OSBPL8: variants seen among roughly 807,000 people sequenced by gnomAD.
OSBPL8 encodes oxysterol-binding protein-related protein 8.
In OSBPL8, 59 loss-of-function variants were observed where a neutral mutation model predicts 125.5. The observed-to-expected ratio is 0.47, with a 90% confidence interval of 0.38 to 0.58. The LOEUF (loss-of-function observed/expected upper bound fraction) is 0.58, where lower values mean the gene tolerates loss of function less well. Among genes scored for constraint, OSBPL8 ranks in the 20% least tolerant of loss-of-function variants. The probability of loss-of-function intolerance (pLI) is 0.00; values close to 1 mark genes in which losing one functional copy is unlikely to be tolerated. For synonymous variants in OSBPL8, 330 were observed against 338.9 expected (o/e 0.97, Z 0.29); for missense variants, 758 against 1,047.8 (o/e 0.72, Z 3.82).
chr12:76,376,731 G>A (rs993200263), intron 16 of OSBPL8, among the ~76,000 whole-genome samples: 2 of 152,056 alleles, frequency 1.3e-5, no homozygotes, highest in East Asian at 1.9e-4. Context: ...AAGGCCATAA[G>A]TTAGGCTCTT....
At chr12:76,494,697 G>T (rs1565943594) in intron 1 of OSBPL8, among the ~76,000 whole-genome samples, 1 of 152,188 alleles carries the variant, frequency 6.6e-6, no homozygotes, top group African/African-American at 2.4e-5. Context: ...AGATGGGAAA[G>T]ACAGCAGGAG....
intron 1 of OSBPL8, among the ~76,000 whole-genome samples, 198 bp from the exon 2 acceptor site, chr12:76,487,816 G>C (rs1878317575): frequency 6.6e-6 from 1 of 152,088 alleles, no homozygotes; most frequent in Non-Finnish European, 1.5e-5. Context: ...AATATTCCAA[G>C]TGAAGAAAAA....
chr12:76,491,203 G>C (rs1452047905), intron 1 of OSBPL8, among the ~76,000 whole-genome samples: 1 of 152,188 alleles, frequency 6.6e-6, no homozygotes, highest in Non-Finnish European at 1.5e-5. Flanking sequence ...AAAAGATTTA[G>C]AATACTACAT....
intron 5 of OSBPL8, among the ~76,000 whole-genome samples, chr12:76,407,971 T>C (rs1327169192): frequency 1.3e-5 from 2 of 152,034 alleles, no homozygotes; most frequent in African/African-American, 2.4e-5. Flanking sequence ...CTTCTAGTAT[T>C]GTTATGAACG....
chr12:76,525,106 G>A (rs536917240), intron 1 of OSBPL8, among the ~76,000 whole-genome samples: 1 of 152,230 alleles, frequency 6.6e-6, no homozygotes, highest in East Asian at 1.9e-4. Context: ...GAAACCTATG[G>A]CTTAAAAGAT....
chr12:76,372,356 T>C (rs1188042454), intron 18 of OSBPL8, among the ~76,000 whole-genome samples: 1 of 152,030 alleles, frequency 6.6e-6, no homozygotes, highest in African/African-American at 2.4e-5. Context: ...GCATGTGCCA[T>C]CATGCCCATC....
chr12:76,421,392 A>G (rs1869464365), intron 4 of OSBPL8, among the ~76,000 whole-genome samples: 1 of 152,100 alleles, frequency 6.6e-6, no homozygotes, highest in African/African-American at 2.4e-5. Flanking sequence ...TAAAGCTTAT[A>G]CTACTTAGGG....
intron 21 of OSBPL8, among the ~76,000 whole-genome samples, chr12:76,363,845 G>A (rs1341178142): frequency 6.6e-6 from 1 of 152,032 alleles, no homozygotes; most frequent in Non-Finnish European, 1.5e-5. Context: ...GTGGGCAAAG[G>A]ATATGAACAG....
At chr12:76,459,737 C>T in intron 3 of OSBPL8, 122 bp downstream of exon 3, 2 of 1,136,780 alleles carry the variant, frequency 1.8e-6, no homozygotes, top group Admixed American at 2.0e-5. Context: ...TATTTCAATT[C>T]CTGGAAAGAA....
At chr12:76,544,772 G>A (rs952066471) in intron 1 of OSBPL8, among the ~76,000 whole-genome samples, 4 of 151,864 alleles carry the variant, frequency 2.6e-5, no homozygotes, top group Admixed American at 6.6e-5. Context: ...TGAAATAGGC[G>A]AAGGTTCAAC....
At chr12:76,395,172 T>G (rs1953739443) in intron 8 of OSBPL8, among the ~76,000 whole-genome samples, 1 of 152,152 alleles carries the variant, frequency 6.6e-6, no homozygotes, top group South Asian at 2.1e-4. Context: ...AATCTCCACT[T>G]TATAACCAAT....
chr12:76,410,535 TA>T, intron 5 of OSBPL8, 28 bp downstream of exon 5: 1 of 1,488,940 alleles, frequency 6.7e-7, no homozygotes. Flanking sequence ...GAATATGTCA[TA>T]ATCATGTATT....
intron 2 of OSBPL8, among the ~76,000 whole-genome samples, chr12:76,472,357 G>T (rs961163837): frequency 1.3e-5 from 2 of 152,134 alleles, no homozygotes; most frequent in African/African-American, 4.8e-5. Context: ...TTTCTATTCT[G>T]CTACCACTAC....
At chr12:76,525,044 T>C (rs1950133496) in intron 1 of OSBPL8, among the ~76,000 whole-genome samples, 1 of 152,088 alleles carries the variant, frequency 6.6e-6, no homozygotes, top group African/African-American at 2.4e-5. Flanking sequence ...TGTGGTAAAC[T>C]ACAAAACAAC....
At chr12:76,453,061 T>C (rs1055241292) in intron 3 of OSBPL8, among the ~76,000 whole-genome samples, 1 of 152,116 alleles carries the variant, frequency 6.6e-6, no homozygotes, top group Non-Finnish European at 1.5e-5. Flanking sequence ...CACTTTACCT[T>C]ACATGATTTT....
intron 5 of OSBPL8, among the ~76,000 whole-genome samples, 168 bp downstream of exon 5, chr12:76,410,396 T>C (rs1954464427): frequency 6.6e-6 from 1 of 152,130 alleles, no homozygotes; most frequent in Non-Finnish European, 1.5e-5. Flanking sequence ...TAGCCAACAA[T>C]ACTTATATTA....
chr12:76,424,791 C>T (rs762877043), intron 4 of OSBPL8, among the ~76,000 whole-genome samples: 18 of 152,026 alleles, frequency 1.2e-4, no homozygotes, highest in South Asian at 2.1e-4. Flanking sequence ...TGAACAAATG[C>T]GTTCCCTCCT....
intron 16 of OSBPL8, among the ~76,000 whole-genome samples, chr12:76,377,571 T>A (rs781525464): frequency 6.6e-6 from 1 of 152,260 alleles, no homozygotes; most frequent in Non-Finnish European, 1.5e-5. Context: ...TGTCTTCTTT[T>A]GAAAAGTGTC....
chr12:76,444,469 C>CA (rs1220296315), intron 4 of OSBPL8, among the ~76,000 whole-genome samples: 1 of 152,066 alleles, frequency 6.6e-6, no homozygotes, highest in Non-Finnish European at 1.5e-5. Flanking sequence ...TTTGGATAAG[C>CA]AAGTAGAAAG....
Sources: allele counts gnomAD v4.1 joint callset (sites outside exome capture counted in the v4.1 genomes callset), GRCh38; gene constraint gnomAD v4.1.1; transcripts MANE v1.5; gene names NCBI Gene and HGNC (gene_info 2026-07-23, HGNC 2026-07-21).